TMEM117: variants seen among roughly 807,000 people sequenced by gnomAD.
TMEM117 encodes the protein transmembrane protein 117.
TMEM117 carries 27 observed loss-of-function variants against 52.4 expected under a neutral mutation model. The ratio of observed to expected loss-of-function variants is 0.51; its 90% confidence interval spans 0.38 to 0.71. TMEM117 has a LOEUF of 0.71. TMEM117 is among the 30% of genes least tolerant of loss of function. The probability of loss-of-function intolerance (pLI) is 0.00; values close to 1 mark genes in which losing one functional copy is unlikely to be tolerated. For synonymous variants in TMEM117, 215 were observed against 206.3 expected (o/e 1.04, Z -0.36); for missense variants, 556 against 630.5 (o/e 0.88, Z 1.26).
chr12:44,379,917 G>A (rs1951996906), intron 7 of TMEM117, among the ~76,000 whole-genome samples: 1 of 152,154 alleles, frequency 6.6e-6, no homozygotes, highest in Admixed American at 6.5e-5. Context: ...AAACGTTAAT[G>A]TGTATTGGAA....
chr12:44,055,872 A>G (rs1212520850), intron 3 of TMEM117, among the ~76,000 whole-genome samples: 1 of 152,126 alleles, frequency 6.6e-6, no homozygotes. Context: ...TAAAAGCTTA[A>G]AGCATTTTAT....
intron 6 of TMEM117, among the ~76,000 whole-genome samples, chr12:44,329,478 C>T (rs754557224): frequency 6.6e-6 from 1 of 152,052 alleles, no homozygotes; most frequent in Non-Finnish European, 1.5e-5. Context: ...GGTGTTTAAC[C>T]CAATCTTTCT....
At chr12:43,926,067 A>G (rs1944773963) in intron 2 of TMEM117, among the ~76,000 whole-genome samples, 1 of 152,204 alleles carries the variant, frequency 6.6e-6, no homozygotes, top group South Asian at 2.1e-4. Flanking sequence ...CTAATTAAAT[A>G]TATGTTTAGA....
At chr12:44,034,104 G>A (rs964067690) in intron 3 of TMEM117, among the ~76,000 whole-genome samples, 25 of 152,258 alleles carry the variant, frequency 1.6e-4, no homozygotes, top group African/African-American at 5.8e-4. Flanking sequence ...ACAAAAGCAG[G>A]ATGAGAAAAA....
chr12:43,941,730 C>G (rs1945047845), intron 2 of TMEM117, among the ~76,000 whole-genome samples: 1 of 152,158 alleles, frequency 6.6e-6, no homozygotes, highest in African/African-American at 2.4e-5. Flanking sequence ...TTTTATTGTT[C>G]TCTTCAAATG....
At chr12:43,804,374 G>GT in the TMEM117 span, 2 of 677,944 alleles carry the variant, frequency 3.0e-6, no homozygotes, top group East Asian at 2.9e-5. Context: ...CCAAGTTACC[G>GT]TAAGATTTGA....
chr12:44,224,102 C>T (rs1489721514), intron 5 of TMEM117, among the ~76,000 whole-genome samples: 2 of 152,080 alleles, frequency 1.3e-5, no homozygotes, highest in Non-Finnish European at 1.5e-5. Context: ...ACTTCATTCT[C>T]ATCCCATGTT....
At chr12:43,856,373 C>T (rs772142978) in intron 2 of TMEM117, among the ~76,000 whole-genome samples, 34 of 152,140 alleles carry the variant, frequency 2.2e-4, no homozygotes, top group Non-Finnish European at 4.1e-4. Flanking sequence ...TCCTTTTTCA[C>T]AGAGTTAGTA....
chr12:44,093,131 C>T (rs888982758), intron 3 of TMEM117, among the ~76,000 whole-genome samples: 4 of 152,066 alleles, frequency 2.6e-5, no homozygotes, highest in South Asian at 2.1e-4. Flanking sequence ...TCCGTAAGAA[C>T]GCTAATTGGG....
At chr12:44,275,879 A>G (rs957897664) in intron 5 of TMEM117, among the ~76,000 whole-genome samples, 10 of 152,100 alleles carry the variant, frequency 6.6e-5, no homozygotes, top group Non-Finnish European at 1.3e-4. Flanking sequence ...AAGACCTACT[A>G]TTTTATAGCA....
intron 4 of TMEM117, among the ~76,000 whole-genome samples, chr12:44,182,337 A>G (rs1949213644): frequency 6.6e-6 from 1 of 152,106 alleles, no homozygotes; most frequent in Admixed American, 6.6e-5. Context: ...CTAATGGAAT[A>G]CCCTTTATTT....
rs114573140 is a variant in TMEM117 at position 44,038,490 on chromosome 12, C to A, written c.410+94148C>A. On this transcript the variant is annotated intron_variant, in intron 3 of 7. Coordinates refer to ENST00000266534, the MANE Select transcript of TMEM117 (RefSeq NM_032256.3). ...ATGGCTGTGCGCAGTGACTGCACCC[C>A]ATACTCAATTGCTCACACACCCCTC... Among the ~76,000 whole-genome samples, 451 of 152,306 alleles carry A rather than the reference C, an allele frequency of 3.0e-3. 3 individuals carry two copies. Among genetic ancestry groups the A allele is most frequent in the African/African-American group, 0.011 (438 of 41,562 alleles).
chr12:44,006,832 T>A (rs1489471002), intron 3 of TMEM117, among the ~76,000 whole-genome samples: 6 of 152,200 alleles, frequency 3.9e-5, no homozygotes, highest in Non-Finnish European at 7.3e-5. Context: ...GTGGATTCCT[T>A]TTTGTGAAGC....
intron 5 of TMEM117, among the ~76,000 whole-genome samples, chr12:44,289,882 C>T (rs1950683911): frequency 6.6e-6 from 1 of 152,036 alleles, no homozygotes; most frequent in Non-Finnish European, 1.5e-5. Context: ...CACTTGTTAT[C>T]CCTTGTCTTT....
At position 44,280,508 on chromosome 12, in the gene TMEM117, C is replaced by T. The variant is rs146674493; in HGVS notation, c.609-19072C>T. Among the ~76,000 whole-genome samples the T allele has an allele frequency of 1.6e-3, 243 of 152,258 alleles. 1 individual carries two copies. The highest frequency in any genetic ancestry group is 5.7e-3 in the African/African-American group (235 of 41,540). On this transcript the variant is annotated intron_variant, in intron 5 of 7. Transcript: ENST00000266534. ...GTCCAATTTAATCAGAACTCTCAGC[C>T]ACCCCTCATACATGGATAAAAATCA... is the stretch of plus-strand genomic sequence containing the variant.
chr12:44,252,046 C>CT (rs1177509812), intron 5 of TMEM117, among the ~76,000 whole-genome samples: 5 of 152,178 alleles, frequency 3.3e-5, no homozygotes, highest in African/African-American at 1.2e-4. Context: ...CATTGCTAGC[C>CT]TTTTTTCGTC....
At chr12:44,144,973 C>T (rs1361760089) in intron 4 of TMEM117, among the ~76,000 whole-genome samples, 3 of 152,016 alleles carry the variant, frequency 2.0e-5, no homozygotes, top group South Asian at 2.1e-4. Context: ...CTGGCTAACA[C>T]GGTGAAACCC....
At chr12:43,921,783 GGTTAGGTTC>G (rs1944698509) in intron 2 of TMEM117, among the ~76,000 whole-genome samples, 12 of 152,214 alleles carry the variant, frequency 7.9e-5, no homozygotes, top group Middle Eastern at 3.4e-3. Context: ...CTGCAGTTAA[GGTTAGGTTC>G]TGCATAGAGA....
intron 2 of TMEM117, among the ~76,000 whole-genome samples, chr12:43,846,658 T>C (rs1174428606): frequency 1.3e-5 from 2 of 152,198 alleles, no homozygotes; most frequent in Non-Finnish European, 2.9e-5. Context: ...AATAAATGTA[T>C]ACTCTGTATG....
Sources: allele counts gnomAD v4.1 joint callset (sites outside exome capture counted in the v4.1 genomes callset), GRCh38; gene constraint gnomAD v4.1.1; transcripts MANE v1.5; gene names NCBI Gene and HGNC (gene_info 2026-07-23, HGNC 2026-07-21).